Variants in ROBO1 observed in about 807,000 individuals in gnomAD.
ROBO1 encodes roundabout guidance receptor 1.
ROBO1 carries 149 observed loss-of-function variants against 195.9 expected under a neutral mutation model. The ratio of observed to expected loss-of-function variants is 0.76; its 90% CI spans 0.67 to 0.87. ROBO1 has a LOEUF of 0.87. ROBO1 is among the 40% of genes least tolerant of loss of function. The pLI is 0.00. For missense variants in ROBO1, 1,933 were observed against 2,068.3 expected (o/e 0.93, Z 1.27); for synonymous variants, 816 against 733.2 (o/e 1.11, Z -1.82).
intron 4 of ROBO1, among the ~76,000 whole-genome samples, chr3:78,909,104 T>G (rs1418644440): frequency 6.6e-6 from 1 of 151,886 alleles, no homozygotes. Context: ...CTTTTAATAA[T>G]GGTGACTTAT....
intron 4 of ROBO1, among the ~76,000 whole-genome samples, chr3:78,795,612 C>A (rs2084163256): frequency 6.6e-6 from 1 of 152,244 alleles, no homozygotes; most frequent in Non-Finnish European, 1.5e-5. Context: ...TGATTGATAA[C>A]TTCTTTTAAG....
At chr3:79,157,551 C>T (rs759635232) in intron 2 of ROBO1, among the ~76,000 whole-genome samples, 2 of 151,894 alleles carry the variant, frequency 1.3e-5, no homozygotes, top group Non-Finnish European at 1.5e-5. Flanking sequence ...ACTTATCACA[C>T]TTTCAGAATT....
intron 4 of ROBO1, among the ~76,000 whole-genome samples, chr3:78,798,198 T>A (rs1336903522): frequency 1.3e-5 from 2 of 152,180 alleles, no homozygotes; most frequent in Non-Finnish European, 2.9e-5. Context: ...CAGAATATAG[T>A]GTATTATCAT....
chr3:78,690,293 A>C (rs1454742110), intron 8 of ROBO1, among the ~76,000 whole-genome samples: 1 of 151,642 alleles, frequency 6.6e-6, no homozygotes, highest in Non-Finnish European at 1.5e-5. Flanking sequence ...TTTTTTTAAA[A>C]ATTGAGGTTT....
intron 2 of ROBO1, among the ~76,000 whole-genome samples, chr3:79,454,854 G>A (rs1442880661): frequency 6.6e-6 from 1 of 151,996 alleles, no homozygotes; most frequent in Non-Finnish European, 1.5e-5. Context: ...TTGGAAATGA[G>A]GTAAAACACA....
chr3:78,599,962 T>C, intron 30 of ROBO1, 151 bp downstream of exon 30: 1 of 705,996 alleles, frequency 1.4e-6, no homozygotes, highest in Non-Finnish European at 2.5e-6. Flanking sequence ...ATTCTCAAAT[T>C]CTCAGAACTT....
At chr3:79,596,649 T>C (rs984448634) in intron 1 of ROBO1, among the ~76,000 whole-genome samples, 1 of 152,054 alleles carries the variant, frequency 6.6e-6, no homozygotes, top group African/African-American at 2.4e-5. Context: ...CACATGAGGA[T>C]GCAAGTTCAG....
At chr3:79,611,836 A>G (rs1325521545) in intron 1 of ROBO1, among the ~76,000 whole-genome samples, 1 of 152,036 alleles carries the variant, frequency 6.6e-6, no homozygotes, top group African/African-American at 2.4e-5. Context: ...GTGTATACCT[A>G]TGGAAAAAAC....
chr3:79,673,867 G>A (rs973400743), intron 1 of ROBO1, among the ~76,000 whole-genome samples: 6 of 151,956 alleles, frequency 3.9e-5, no homozygotes, highest in Non-Finnish European at 8.8e-5. Flanking sequence ...ACACCAGTGA[G>A]TGGATTACCA....
At chr3:79,672,626 G>T (rs980146166) in intron 1 of ROBO1, among the ~76,000 whole-genome samples, 1 of 151,848 alleles carries the variant, frequency 6.6e-6, no homozygotes, top group African/African-American at 2.4e-5. Context: ...AAATTGGGGG[G>T]ACATAAGGAT....
intron 2 of ROBO1, among the ~76,000 whole-genome samples, chr3:79,173,413 G>C (rs916233074): frequency 6.6e-6 from 1 of 151,800 alleles, no homozygotes; most frequent in Non-Finnish European, 1.5e-5. Context: ...GTGTGGGCTC[G>C]GCGGGCCCGC....
chr3:79,203,624 C>A (rs539627134), intron 2 of ROBO1, among the ~76,000 whole-genome samples: 36 of 152,216 alleles, frequency 2.4e-4, no homozygotes, highest in Non-Finnish European at 4.3e-4. Flanking sequence ...TATGAGCAGG[C>A]TTACTGTTTC....
chr3:79,683,931 G>A (rs1947024880), intron 1 of ROBO1, among the ~76,000 whole-genome samples: 1 of 151,958 alleles, frequency 6.6e-6, no homozygotes, highest in Non-Finnish European at 1.5e-5. Flanking sequence ...GTTTTTGAGT[G>A]GACACATGCT....
chr3:78,739,078 C>T (rs2108238886), intron 5 of ROBO1, among the ~76,000 whole-genome samples: 1 of 152,208 alleles, frequency 6.6e-6, no homozygotes, highest in East Asian at 1.9e-4. Context: ...TTCAAAAATG[C>T]TTAAGTCACA....
Position 78,661,218 on chromosome 3 carries a change from T to C in ROBO1, c.2132A>G (p.Tyr711Cys), listed in dbSNP as rs552724051. ...TCCGTGGTTGGCTCCAGATGGCCGA[T>C]AGAGAATTTTATATCCTTGTATATA... ...SQYIQGYKIL[Y>C]RPSGANHGES... Residue 711 changes from tyrosine (Y) to cysteine (C), a missense_variant, in exon 16 of 31, where the codon TAT becomes TGT. Transcript: ENST00000464233. 6.2e-6 allele frequency: 10 copies of C among 1,612,984 alleles called. No homozygotes were observed. Among genetic ancestry groups the C allele is most frequent in the South Asian group, 5.5e-5 (5 of 90,880 alleles).
intron 3 of ROBO1, among the ~76,000 whole-genome samples, chr3:79,024,291 G>A (rs1225602449): frequency 6.6e-6 from 1 of 152,132 alleles, no homozygotes; most frequent in Non-Finnish European, 1.5e-5. Context: ...AATGGGTCGG[G>A]CTAGAATTTA....
chr3:78,948,156 C>T (rs2040561870), intron 3 of ROBO1, among the ~76,000 whole-genome samples: 1 of 152,106 alleles, frequency 6.6e-6, no homozygotes, highest in Non-Finnish European at 1.5e-5. Flanking sequence ...AGAGGGAATC[C>T]TCCCTAACTC....
intron 2 of ROBO1, among the ~76,000 whole-genome samples, chr3:79,541,042 C>T (rs990855122): frequency 4.6e-5 from 7 of 151,806 alleles, no homozygotes; most frequent in African/African-American, 1.7e-4. Context: ...TATTTTTAAC[C>T]TCAATATCCT....
At chr3:78,974,477 GGATA>G (rs562578136) in intron 3 of ROBO1, among the ~76,000 whole-genome samples, 3 of 152,038 alleles carry the variant, frequency 2.0e-5, no homozygotes, top group Non-Finnish European at 2.9e-5. Context: ...GGCAATAGAA[GGATA>G]GATAGTTTTA....
Sources: allele counts gnomAD v4.1 joint callset (sites outside exome capture counted in the v4.1 genomes callset), GRCh38; gene constraint gnomAD v4.1.1; transcripts MANE v1.5; gene names NCBI Gene and HGNC (gene_info 2026-07-23, HGNC 2026-07-21).